The following SRFBP1 variants were observed in gnomAD, a reference collection of about 807,000 sequenced individuals.
The protein encoded by SRFBP1 is serum response factor binding protein 1, also known as serum response factor-binding protein 1.
A neutral mutation model predicts 45.5 loss-of-function variants in SRFBP1; 47 were observed. The observed-to-expected ratio is 1.03, with a 90% CI of 0.82 to 1.32. SRFBP1 has a LOEUF of 1.32. Ranked by LOEUF, SRFBP1 falls within the 40% of genes most tolerant of loss-of-function variation. The pLI, the probability that SRFBP1 is intolerant of heterozygous loss-of-function variation, is 0.00. For synonymous variants in SRFBP1, 203 were observed against 166.3 expected (o/e 1.22, Z -1.70); for missense variants, 621 against 484.6 (o/e 1.28, Z -2.64).
intron 3 of SRFBP1, among the ~76,000 whole-genome samples, chr5:121,984,312 CACTT>C (rs1752473839): frequency 6.6e-6 from 1 of 151,728 alleles, no homozygotes; most frequent in Non-Finnish European, 1.5e-5. Context: ...GAAATTACCC[CACTT>C]ACTTAAAATT....
chr5:122,052,953 T>C (rs576886307), intron 2 of SRFBP1, among the ~76,000 whole-genome samples: 244 of 152,044 alleles, frequency 1.6e-3, no homozygotes, highest in Non-Finnish European at 2.7e-3. Context: ...GGGGATTTGA[T>C]TGTGGTATAA....
At chr5:121,989,716 TGTA>T (rs1752584871) in intron 3 of SRFBP1, among the ~76,000 whole-genome samples, 1 of 152,206 alleles carries the variant, frequency 6.6e-6, no homozygotes, top group Non-Finnish European at 1.5e-5. Flanking sequence ...AAATACCTAA[TGTA>T]GTTTCTCAGC....
At chr5:122,057,275 A>G (rs576295168) in intron 2 of SRFBP1, among the ~76,000 whole-genome samples, 27 of 152,308 alleles carry the variant, frequency 1.8e-4, no homozygotes, top group Middle Eastern at 6.8e-3. Flanking sequence ...TTTTCTCATG[A>G]AAGAGCACAG....
intron 1 of SRFBP1, among the ~76,000 whole-genome samples, chr5:121,970,515 A>C (rs568554370): frequency 1.3e-5 from 2 of 151,620 alleles, no homozygotes; most frequent in African/African-American, 4.8e-5. Context: ...ACACTGTATA[A>C]TTCTGTTTAT....
chr5:121,969,454 C>T (rs186663548), intron 1 of SRFBP1, among the ~76,000 whole-genome samples: 1 of 152,060 alleles, frequency 6.6e-6, no homozygotes, highest in East Asian at 1.9e-4. Flanking sequence ...CAACTTTTGC[C>T]TCTCTGTGGT....
intron 1 of SRFBP1, among the ~76,000 whole-genome samples, chr5:121,972,655 A>G (rs1359923732): frequency 6.6e-6 from 1 of 151,930 alleles, no homozygotes; most frequent in Admixed American, 6.6e-5. Flanking sequence ...GCATAAAAAG[A>G]GGAACATTAA....
At chr5:121,974,310 G>C in intron 2 of SRFBP1, 26 bp downstream of exon 2, 2 of 1,507,000 alleles carry the variant, frequency 1.3e-6, no homozygotes, top group Non-Finnish European at 1.8e-6. Flanking sequence ...TAATGATCTT[G>C]TGACTAATAA....
rs773286714 is a variant in SRFBP1 at position 122,075,415 on chromosome 5, G to A, written n.412G>A. On this transcript the variant is annotated non_coding_transcript_exon_variant, in exon 3 of 3. Coordinates refer to the SRFBP1 transcript ENST00000504881. The stretch of plus-strand genomic sequence containing the variant: ...GCCCATTTACTTACTGATGACAACT[G>A]TGCCATTCCCAGGAATATCTTGGTC... 3.7e-6 allele frequency: 6 copies of A among 1,612,526 alleles called. No individual in the cohort carries two copies. In the South Asian group the frequency reaches 6.6e-5, roughly 18 times the overall value.
chr5:122,006,136 C>T (rs1230506123), intron 4 of SRFBP1, among the ~76,000 whole-genome samples: 1 of 152,070 alleles, frequency 6.6e-6, no homozygotes. Flanking sequence ...TATTTCTCTT[C>T]TTTTCTGAAA....
rs1279086907 is a variant in SRFBP1 at position 122,019,636 on chromosome 5, T to C, written c.352+295T>C. 3.3e-5 allele frequency among the ~76,000 whole-genome samples: 5 copies of C among 150,990 alleles called. No homozygotes were observed. In the East Asian group the frequency reaches 5.8e-4, roughly 17 times the overall value. On this transcript the variant is annotated intron_variant, in intron 5 of 7. Coordinates refer to ENST00000339397, the MANE Select transcript of SRFBP1 (RefSeq NM_152546.3). ...TTTTTTAAAATATTGACATAACTCA[T>C]TAGTTTTGGTTTCGCCACTTAGGAA...
At chr5:122,001,040 A>G (rs1321165889) in intron 4 of SRFBP1, among the ~76,000 whole-genome samples, 4 of 152,088 alleles carry the variant, frequency 2.6e-5, no homozygotes, top group Non-Finnish European at 5.9e-5. Context: ...CAATGAGATC[A>G]CCATTAAAGG....
In SRFBP1 at chr5:121,975,203, T is replaced by C. The variant is rs1580500595; in HGVS notation, c.126-112T>C. 1.4e-5 allele frequency: 16 copies of C among 1,112,138 alleles called. No individual in the cohort carries two copies. In the East Asian group the frequency reaches 3.8e-4, roughly 26 times the overall value. 68.9% of individuals were successfully genotyped at this position (1,112,138 alleles called of 1,614,324 possible). Reference sequence around the variant, plus strand: ...CAGTGTAGGATAGTGGCGTGTTTGTTATTTAGAGATTTATTACGCTTTTCT... The same window carrying C: ...CAGTGTAGGATAGTGGCGTGTTTGTCATTTAGAGATTTATTACGCTTTTCT... On this transcript the variant is annotated intron_variant, in intron 2 of 7. Coordinates refer to ENST00000339397, the MANE Select transcript of SRFBP1 (RefSeq NM_152546.3).
At chr5:121,999,669 C>G (rs1178103199) in intron 4 of SRFBP1, among the ~76,000 whole-genome samples, 1 of 151,920 alleles carries the variant, frequency 6.6e-6, no homozygotes, top group Non-Finnish European at 1.5e-5. Context: ...GGGCGCTGAT[C>G]CTTTATAATT....
At chr5:122,033,338 T>C (rs75463466), downstream of SRFBP1, among the ~76,000 whole-genome samples, 1,619 of 152,306 alleles carry the variant, frequency 0.011, 28 homozygotes, top group African/African-American at 0.036. Context: ...TTCTGCCATA[T>C]AATCAGATGC....
At chr5:121,974,426 T>C in intron 2 of SRFBP1, 142 bp downstream of exon 2, 3 of 595,654 alleles carry the variant, frequency 5.0e-6, no homozygotes, top group Admixed American at 5.2e-5. Context: ...GCGGAGATGA[T>C]GTGAGTGAGA....
At chr5:121,978,073 A>G (rs1440164214) in intron 3 of SRFBP1, among the ~76,000 whole-genome samples, 1 of 152,212 alleles carries the variant, frequency 6.6e-6, no homozygotes, top group Non-Finnish European at 1.5e-5. Flanking sequence ...AAATTCAAGC[A>G]TATACTGAAA....
At chr5:121,974,834 A>G (rs1580500335) in intron 2 of SRFBP1, among the ~76,000 whole-genome samples, 1 of 152,042 alleles carries the variant, frequency 6.6e-6, no homozygotes, top group African/African-American at 2.4e-5. Flanking sequence ...TGTAAGCATG[A>G]ATACTTAGTC....
chr5:122,060,659 G>A (rs2152581521), intron 2 of SRFBP1, among the ~76,000 whole-genome samples: 1 of 152,204 alleles, frequency 6.6e-6, no homozygotes, highest in East Asian at 1.9e-4. Context: ...TCAATAAGCT[G>A]TGTACATATG....
intron 2 of SRFBP1, among the ~76,000 whole-genome samples, chr5:122,047,154 C>T (rs1378963471): frequency 7.9e-5 from 12 of 151,880 alleles, no homozygotes; most frequent in African/African-American, 2.2e-4. Flanking sequence ...TGCCTAGGTT[C>T]TCTTCTAGGG....
Sources: gnomAD v4.1 joint callset for allele counts (sites outside exome capture counted in the v4.1 genomes callset) on GRCh38, gnomAD v4.1.1 for gene constraint, MANE v1.5 for transcripts, NCBI Gene and HGNC (gene_info 2026-07-23, HGNC 2026-07-21) for gene names.